Variants in FEZ2 observed in about 807,000 individuals in gnomAD.
FEZ2 encodes fasciculation and elongation protein zeta 2, also known as fasciculation and elongation protein zeta-2.
FEZ2 carries 51 observed loss-of-function variants against 40.4 expected under a neutral mutation model. The ratio of observed to expected loss-of-function variants is 1.26; its 90% CI spans 1.01 to 1.59. The LOEUF (loss-of-function observed/expected upper bound fraction) is 1.59. Among genes scored for constraint, FEZ2 ranks in the 40% most tolerant of loss-of-function variants. The pLI is 0.00. For synonymous variants in FEZ2, 242 were observed against 172.0 expected, an observed-to-expected ratio of 1.41 and a Z score of -3.18; for missense variants, 640 against 438.3, an observed-to-expected ratio of 1.46 and a Z score of -4.11.
chr2:36,596,175 C>G (rs2148354878), intron 1 of FEZ2, among the ~76,000 whole-genome samples: 1 of 152,264 alleles, frequency 6.6e-6, no homozygotes, highest in East Asian at 1.9e-4. Context: ...CTTCTCTACA[C>G]CTGGGCAGAA....
chr2:36,583,444 G>T lies in FEZ2; in HGVS notation c.401C>A (p.Thr134Lys), dbSNP rs1229460356. The T allele has an allele frequency of 1.3e-6, 2 of 1,591,052 alleles. No homozygotes were observed. Among genetic ancestry groups the T allele is most frequent in the Non-Finnish European group, 1.7e-6 (2 of 1,159,244 alleles). ...TTCTCTCAGCTCTTCATCATCTGAT[G>T]TATCAAAGAGCAAACTGTCACTTAC... ...KGVSDSLLFD[T>K]SDDEELREQL... is the part of the protein sequence containing the mutation. Residue 134 changes from threonine (T) to lysine (K), a missense_variant, in exon 3 of 8, where the codon ACA becomes AAA. Coordinates refer to ENST00000405912, the MANE Select transcript of FEZ2 (RefSeq NM_005102.3).
At chr2:36,556,027 A>C (rs1667951622) in intron 6 of FEZ2, 1 of 570,394 alleles carries the variant, frequency 1.8e-6, no homozygotes, top group Non-Finnish European at 3.4e-6. Flanking sequence ...AGACAAAAAA[A>C]GAGGAACTGG....
chr2:36,572,590 T>C (rs192447819), intron 5 of FEZ2, among the ~76,000 whole-genome samples: 1 of 152,330 alleles, frequency 6.6e-6, no homozygotes, highest in African/African-American at 2.4e-5. Context: ...GCCCCAAAGC[T>C]GCTACAGATG....
In FEZ2 at chr2:36,554,080, C is replaced by T. The variant is rs182781267; in HGVS notation, c.1046-901G>A. ...AATCCTTGCTGCTTTTCCACCCAGTCCTCACAATACAAAGCCAAGACAAAA... is the reference window on the plus strand; with the variant it reads ...AATCCTTGCTGCTTTTCCACCCAGTTCTCACAATACAAAGCCAAGACAAAA... On this transcript the variant is annotated intron_variant, in intron 7 of 7. Transcript: ENST00000405912. 358 of 363,062 alleles carry T rather than the reference C, an allele frequency of 9.9e-4. 1 individual carries two copies. The highest frequency in any genetic ancestry group is 7.2e-3 in the African/African-American group (339 of 46,802). 22.5% of individuals were successfully genotyped at this position (363,062 alleles called of 1,614,324 possible). A position where few individuals can be genotyped will look rare whatever the true frequency, so the allele number is the denominator to read the frequency against.
chr2:36,597,975 C>G lies in FEZ2; in HGVS notation c.168G>C (p.Glu56Asp). Residue 56 changes from glutamate (E) to aspartate (D), a missense_variant, in exon 1 of 8, where the codon GAG becomes GAC. Transcript: ENST00000405912. ...GFPAPACSLEEKLSLCFRPSD... is the reference protein window; with the variant it reads ...GFPAPACSLEDKLSLCFRPSD... ...AGGGGCGGAAGCACAGGCTCAGCTT[C>G]TCCTCCAAGCTGCAGGCCGGGGCCG... is the stretch of plus-strand genomic sequence containing the variant. The G allele has an allele frequency of 6.7e-7, 1 of 1,487,128 alleles. No individual in the cohort carries two copies. Among genetic ancestry groups the G allele is most frequent in the Non-Finnish European group, 8.9e-7 (1 of 1,124,704 alleles). 92.1% of individuals were successfully genotyped at this position (1,487,128 alleles called of 1,614,324 possible).
rs773237572 is a variant in FEZ2, at chr2:36,598,158, T to G, written c.-16A>C. 13 of 1,428,766 alleles carry G rather than the reference T, an allele frequency of 9.1e-6. No homozygotes were observed. In the African/African-American group the frequency reaches 1.8e-4, roughly 19 times the overall value. The allele number at this position is 1,428,766 out of a possible 1,614,324, so 88.5% of individuals were successfully genotyped here. The stretch of plus-strand genomic sequence containing the variant: ...CCGCCGCCATCGCCGCCCGGAGCAG[T>G]CGCGCGCCCCGCCCAGGCCGGCCCA... On this transcript the variant is annotated 5_prime_UTR_variant, in exon 1 of 8. Transcript: ENST00000405912.
Position 36,581,522 on chromosome 2 carries a change from G to T in FEZ2, c.493-91C>A. 2.8e-6 allele frequency: 3 copies of T among 1,080,514 alleles called. No individual in the cohort carries two copies. In the South Asian group the frequency reaches 4.2e-5, roughly 15 times the overall value. The allele number at this position is 1,080,514 out of a possible 1,614,324, so 66.9% of individuals were successfully genotyped here. ...GTGCTCACCTAAGGCACCCAGAGCA[G>T]AAATGCACTGAATTCTCCATTAACC... On this transcript the variant is annotated intron_variant, in intron 3 of 7. Coordinates refer to ENST00000405912, the MANE Select transcript of FEZ2 (RefSeq NM_005102.3).
chr2:36,560,750 AG>A (rs746151102), intron 5 of FEZ2: 1 of 1,364,596 alleles, frequency 7.3e-7, no homozygotes, highest in Non-Finnish European at 1.0e-6. Flanking sequence ...AAAATGAAAA[AG>A]CAGAGAATGA....
chr2:36,558,026 C>T (rs848641), intron 6 of FEZ2: 5,787 of 153,722 alleles, frequency 0.038, 501 homozygotes, highest in East Asian at 0.23. Context: ...ACTACTACCT[C>T]GGGTTCTACA....
At chr2:36,560,227 A>G (rs895400211) in intron 5 of FEZ2, among the ~76,000 whole-genome samples, 1 of 152,254 alleles carries the variant, frequency 6.6e-6, no homozygotes, top group African/African-American at 2.4e-5. Context: ...ATATCTGTGT[A>G]TAATTTTGTA....
chr2:36,581,255 G>T, intron 4 of FEZ2, 35 bp downstream of exon 4: 2 of 1,595,904 alleles, frequency 1.3e-6, no homozygotes, highest in Non-Finnish European at 1.7e-6. Flanking sequence ...CAGACAAAAA[G>T]CACAGAAATC....
At chr2:36,558,265 G>A in intron 6 of FEZ2, 173 bp downstream of exon 6, 1 of 444,802 alleles carries the variant, frequency 2.2e-6, no homozygotes, top group Non-Finnish European at 4.1e-6. Context: ...AGTTACTGTT[G>A]TATTTAATGT....
At chr2:36,572,186 C>A (rs984477554) in intron 5 of FEZ2, among the ~76,000 whole-genome samples, 1 of 152,090 alleles carries the variant, frequency 6.6e-6, no homozygotes, top group African/African-American at 2.4e-5. Flanking sequence ...TACCTGCTCA[C>A]TCTCTTTACC....
intron 2 of FEZ2, among the ~76,000 whole-genome samples, chr2:36,587,816 A>T (rs1007403460): frequency 2.6e-5 from 4 of 152,198 alleles, no homozygotes; most frequent in African/African-American, 7.2e-5. Context: ...ATGCTTAATT[A>T]TATACCATGT....
At chr2:36,595,927 T>C (rs1410680488) in intron 1 of FEZ2, among the ~76,000 whole-genome samples, 1 of 152,226 alleles carries the variant, frequency 6.6e-6, no homozygotes, top group Non-Finnish European at 1.5e-5. Flanking sequence ...CAAAAACTCT[T>C]AACGATCTAC....
chr2:36,556,758 A>ATG (rs1330836231), intron 6 of FEZ2: 2 of 152,256 alleles, frequency 1.3e-5, no homozygotes, highest in Non-Finnish European at 2.9e-5. Context: ...CACATAGTAC[A>ATG]TGCTATGTAT....
At chr2:36,579,272 A>G (rs1443697314) in intron 4 of FEZ2, among the ~76,000 whole-genome samples, 3 of 152,252 alleles carry the variant, frequency 2.0e-5, no homozygotes, top group Admixed American at 1.3e-4. Context: ...GGGTTCTGGG[A>G]TATCTCTGAA....
intron 5 of FEZ2, among the ~76,000 whole-genome samples, chr2:36,565,361 C>T (rs1375110294): frequency 6.6e-6 from 1 of 152,204 alleles, no homozygotes. Context: ...GTTCTCTAAA[C>T]CCTTTAAACA....
At chr2:36,576,502 G>A (rs1022567038) in intron 5 of FEZ2, among the ~76,000 whole-genome samples, 1 of 152,020 alleles carries the variant, frequency 6.6e-6, no homozygotes, top group African/African-American at 2.4e-5. Context: ...AACTCCTGAC[G>A]TCAGGTGATC....
Sources: gnomAD v4.1 joint callset for allele counts (sites outside exome capture counted in the v4.1 genomes callset) on GRCh38, gnomAD v4.1.1 for gene constraint, MANE v1.5 for transcripts, NCBI Gene and HGNC (gene_info 2026-07-23, HGNC 2026-07-21) for gene names.